DNAH3: variants seen among roughly 807,000 people sequenced by gnomAD.
DNAH3 encodes dynein axonemal heavy chain 3, also known as axonemal beta dynein heavy chain 3.
Under a neutral mutation model 432.5 loss-of-function variants are expected in DNAH3, and 332 were observed. The ratio of observed to expected loss-of-function variants is 0.77; its 90% CI spans 0.70 to 0.84. The LOEUF is 0.84. Ranked by LOEUF, DNAH3 falls within the 40% of genes least tolerant of loss-of-function variation. The probability of loss-of-function intolerance (pLI) is 0.00; values close to 1 mark genes in which losing one functional copy is unlikely to be tolerated. For synonymous variants in DNAH3, 1,956 were observed against 1,900.2 expected, an observed-to-expected ratio of 1.03 and a Z score of -0.76; for missense variants, 4,861 against 5,114.0, an observed-to-expected ratio of 0.95 and a Z score of 1.51.
At chr16:20,978,707 T>C (rs1179223797) in intron 50 of DNAH3, among the ~76,000 whole-genome samples, 5 of 151,996 alleles carry the variant, frequency 3.3e-5, no homozygotes, top group African/African-American at 4.8e-5. Context: ...CTAATTTTAT[T>C]TTATTTATTT....
chr16:21,000,130 G>T, intron 43 of DNAH3, 94 bp downstream of exon 43: 2 of 1,313,924 alleles, frequency 1.5e-6, no homozygotes, highest in South Asian at 1.4e-5. Context: ...GGAGAGTAAA[G>T]GTATGTACAG....
intron 41 of DNAH3, among the ~76,000 whole-genome samples, chr16:21,013,050 C>CTGGGATTA (rs1409751989): frequency 6.6e-6 from 1 of 152,064 alleles, no homozygotes; most frequent in African/African-American, 2.4e-5. Flanking sequence ...CAGGTGTGAG[C>CTGGGATTA]CACCGTGCAC....
At chr16:21,058,496 AC>A (rs2090215658) in intron 26 of DNAH3, among the ~76,000 whole-genome samples, 1 of 152,160 alleles carries the variant, frequency 6.6e-6, no homozygotes, top group Non-Finnish European at 1.5e-5. Flanking sequence ...TCTCATAACT[AC>A]TGTTTTTTAA....
At chr16:21,033,120 C>T (rs2088974679) in intron 36 of DNAH3, among the ~76,000 whole-genome samples, 1 of 152,136 alleles carries the variant, frequency 6.6e-6, no homozygotes, top group South Asian at 2.1e-4. Flanking sequence ...GTGTGAGCCC[C>T]TGTTCCCTGC....
chr16:21,134,208 C>T (rs913028705), intron 7 of DNAH3, 51 bp downstream of exon 8: 6 of 1,555,194 alleles, frequency 3.9e-6, no homozygotes, highest in Admixed American at 1.8e-5. Context: ...CTTGCTTACA[C>T]GTGGATGTGG....
At chr16:21,024,531 G>T in intron 39 of DNAH3, 65 bp downstream of exon 39, 1 of 1,207,320 alleles carries the variant, frequency 8.3e-7, no homozygotes, top group Non-Finnish European at 1.2e-6. Context: ...GATGTACCTA[G>T]AAGACCCTCG....
At chr16:20,942,259 C>T (rs549181122) in intron 58 of DNAH3, among the ~76,000 whole-genome samples, 2 of 152,290 alleles carry the variant, frequency 1.3e-5, no homozygotes, top group Admixed American at 1.3e-4. Flanking sequence ...GGGGCCCTTT[C>T]TCAGTGCCCG....
intron 52 of DNAH3, among the ~76,000 whole-genome samples, chr16:20,968,232 C>A (rs937185618): frequency 6.6e-6 from 1 of 152,030 alleles, no homozygotes; most frequent in African/African-American, 2.4e-5. Context: ...GCATGCCTGG[C>A]GAAATTTTGC....
intron 16 of DNAH3, among the ~76,000 whole-genome samples, chr16:21,100,367 C>T (rs1003726385): frequency 1.3e-5 from 2 of 152,156 alleles, no homozygotes; most frequent in Non-Finnish European, 2.9e-5. Flanking sequence ...CCACATATTC[C>T]GGCCTCCATT....
chr16:21,031,249 G>A (rs751933587), exon 37 of DNAH3: 1 of 1,614,142 alleles, frequency 6.2e-7, no homozygotes, highest in South Asian at 1.1e-5. Flanking sequence ...TGGGGTTGAT[G>A]ATCTTGTACT....
At chr16:20,965,090 C>T (rs1236884925) in exon 53 of DNAH3, 1 of 1,614,042 alleles carries the variant, frequency 6.2e-7, no homozygotes, top group African/African-American at 1.3e-5. Flanking sequence ...CGATCTACCA[C>T]CAGCTTCAGC....
chr16:21,061,054 G>C (rs1034910479), intron 25 of DNAH3, among the ~76,000 whole-genome samples: 1 of 150,486 alleles, frequency 6.6e-6, no homozygotes, highest in African/African-American at 2.4e-5. Flanking sequence ...GCCCAGGCTG[G>C]TCTTGATTTC....
chr16:20,952,540 A>C (rs758177094), exon 56 of DNAH3: 2 of 1,605,732 alleles, frequency 1.2e-6, no homozygotes, highest in Non-Finnish European at 1.7e-6. Flanking sequence ...TTCATAGGGA[A>C]TATTCCACCC....
chr16:21,037,301 TC>T (rs1447476096), intron 34 of DNAH3, among the ~76,000 whole-genome samples: 1 of 150,936 alleles, frequency 6.6e-6, no homozygotes, highest in African/African-American at 2.5e-5. Flanking sequence ...AGAACAAAAC[TC>T]CATCTCAAAA....
chr16:21,136,405 T>G (rs2092643374), exon 6 of DNAH3: 2 of 1,614,074 alleles, frequency 1.2e-6, no homozygotes, highest in African/African-American at 2.7e-5. Context: ...AGGAAGGGAC[T>G]CGTCAGCAGC....
intron 12 of DNAH3, among the ~76,000 whole-genome samples, chr16:21,113,204 C>T (rs2092112751): frequency 6.6e-6 from 1 of 152,062 alleles, no homozygotes. Flanking sequence ...ATTGTATCTC[C>T]CAGAATTCCC....
In DNAH3 at chr16:21,079,990, A is replaced by G. The variant is rs183447763; in HGVS notation, c.2969+1646T>C. ...AGAATCGCCTGGAGCAGTGCTGTCC[A>G]TTAGAAATATAGAGTGAGCCACATA... On this transcript the variant is annotated intron_variant, in intron 20 of 61. Coordinates refer to ENST00000261383, the Ensembl canonical transcript of DNAH3. Among the ~76,000 whole-genome samples the G allele has an allele frequency of 3.9e-5, 6 of 152,300 alleles. No homozygotes were observed. In the East Asian group the frequency reaches 1.2e-3, roughly 29 times the overall value.
At chr16:21,017,183 A>G (rs1265584378) in intron 41 of DNAH3, among the ~76,000 whole-genome samples, 5 of 152,190 alleles carry the variant, frequency 3.3e-5, no homozygotes, top group African/African-American at 1.2e-4. Flanking sequence ...TTTTACTATG[A>G]CAATAAAATA....
At chr16:21,024,667 C>A in exon 39 of DNAH3, 1 of 1,613,762 alleles carries the variant, frequency 6.2e-7, no homozygotes, top group Non-Finnish European at 8.5e-7. Context: ...GGCTTCCAGC[C>A]TAGTTGATGG....
Sources: allele counts gnomAD v4.1 joint callset (sites outside exome capture counted in the v4.1 genomes callset), GRCh38; gene constraint gnomAD v4.1.1; transcripts MANE v1.5; gene names NCBI Gene and HGNC (gene_info 2026-07-23, HGNC 2026-07-21).